GALNT17: variants seen among roughly 807,000 people sequenced by gnomAD.
GALNT17 encodes the protein polypeptide N-acetylgalactosaminyltransferase 17.
Under a neutral mutation model 63.7 loss-of-function variants are expected in GALNT17, and 29 were observed. The observed-to-expected ratio is 0.46, with a 90% CI of 0.34 to 0.62. The LOEUF is 0.62. GALNT17 is among the 20% of genes least tolerant of loss of function. GALNT17 has a pLI of 0.01. For missense variants in GALNT17, 603 were observed against 799.6 expected, an observed-to-expected ratio of 0.75 and a Z score of 2.97; for synonymous variants, 305 against 318.3, an observed-to-expected ratio of 0.96 and a Z score of 0.45.
intron 6 of GALNT17, among the ~76,000 whole-genome samples, chr7:71,652,503 A>G (rs889061556): frequency 3.9e-5 from 6 of 152,160 alleles, no homozygotes; most frequent in African/African-American, 1.4e-4. Context: ...CAGGAGTAGT[A>G]GCTTGCTCCT....
chr7:71,262,000 G>A (rs73700667), intron 1 of GALNT17, among the ~76,000 whole-genome samples: 17 of 152,276 alleles, frequency 1.1e-4, no homozygotes, highest in African/African-American at 3.4e-4. Flanking sequence ...TGGGCACCCC[G>A]ATTACCTGAG....
chr7:71,649,115 C>G (rs1790720639), intron 6 of GALNT17, among the ~76,000 whole-genome samples: 1 of 152,190 alleles, frequency 6.6e-6, no homozygotes, highest in Non-Finnish European at 1.5e-5. Context: ...CCTGCCCTGA[C>G]CTTGAGTCCT....
At chr7:71,426,812 C>T (rs1483995029) in intron 5 of GALNT17, among the ~76,000 whole-genome samples, 5 of 151,744 alleles carry the variant, frequency 3.3e-5, no homozygotes, top group Non-Finnish European at 7.4e-5. Context: ...CCCAGCTACT[C>T]GGGAGGATGA....
chr7:71,193,454 C>CTTTTT (rs1159902249), intron 1 of GALNT17, among the ~76,000 whole-genome samples: 12 of 107,320 alleles, frequency 1.1e-4, no homozygotes, highest in East Asian at 5.9e-4. Flanking sequence ...ACGCTTTTGT[C>CTTTTT]TTTTTTTTTT....
intron 5 of GALNT17, among the ~76,000 whole-genome samples, chr7:71,481,290 A>C (rs1379681409): frequency 6.6e-6 from 1 of 152,062 alleles, no homozygotes; most frequent in Non-Finnish European, 1.5e-5. Context: ...CTAGTCAAAA[A>C]AATACAAAAA....
chr7:71,650,174 A>T (rs1790734296), intron 6 of GALNT17, among the ~76,000 whole-genome samples: 1 of 152,214 alleles, frequency 6.6e-6, no homozygotes, highest in African/African-American at 2.4e-5. Context: ...AGTTGAGTTC[A>T]GTTAGGGAAT....
chr7:71,216,534 A>ATATACGTATAT (rs925909962), intron 1 of GALNT17, among the ~76,000 whole-genome samples: 14 of 152,044 alleles, frequency 9.2e-5, no homozygotes, highest in Non-Finnish European at 1.8e-4. Context: ...ACACACACAC[A>ATATACGTATAT]TATACGTATA....
Position 71,143,920 on chromosome 7 carries a change from T to C in GALNT17, c.238+10880T>C, listed in dbSNP as rs115701775. Among the ~76,000 whole-genome samples the C allele has an allele frequency of 5.9e-3, 888 of 151,456 alleles. 7 individuals are homozygous for C. Among genetic ancestry groups the C allele is most frequent in the African/African-American group, 0.02 (838 of 41,286 alleles). ...TGCAGCAGTGGGTATAGAGAGCTGG[T>C]GTTGCTGGCGTGGCTGGCCCTGCCA... is the stretch of plus-strand genomic sequence containing the variant. On this transcript the variant is annotated intron_variant, in intron 1 of 10. Transcript: ENST00000333538.
chr7:71,141,058 G>C (rs1055825483), intron 1 of GALNT17, among the ~76,000 whole-genome samples: 2 of 149,094 alleles, frequency 1.3e-5, no homozygotes, highest in Admixed American at 6.7e-5. Context: ...GTATTAAAAG[G>C]ACACTCAGGG....
intron 6 of GALNT17, among the ~76,000 whole-genome samples, chr7:71,633,124 A>G (rs2116992771): frequency 6.6e-6 from 1 of 151,258 alleles, no homozygotes; most frequent in Admixed American, 6.6e-5. Flanking sequence ...AAAAAAAAAA[A>G]AGAAGGTTGA....
intron 6 of GALNT17, among the ~76,000 whole-genome samples, chr7:71,646,747 CT>C (rs60956531): frequency 4.2e-4 from 54 of 128,060 alleles, no homozygotes; most frequent in African/African-American, 6.0e-4. Context: ...TCCAAGTTTC[CT>C]TTTTTTTTTT....
At chr7:71,139,819 C>T (rs1341787373) in intron 1 of GALNT17, among the ~76,000 whole-genome samples, 3 of 152,028 alleles carry the variant, frequency 2.0e-5, no homozygotes, top group Non-Finnish European at 4.4e-5. Context: ...ATGGTGAAAC[C>T]CCGTCTCTAC....
intron 1 of GALNT17, among the ~76,000 whole-genome samples, chr7:71,233,829 G>A (rs905975379): frequency 6.6e-6 from 1 of 152,156 alleles, no homozygotes; most frequent in Admixed American, 6.5e-5. Flanking sequence ...AGGTTTCATT[G>A]ACTCACAGTT....
chr7:71,245,980 T>G (rs1005900268), intron 1 of GALNT17, among the ~76,000 whole-genome samples: 7 of 151,398 alleles, frequency 4.6e-5, no homozygotes, highest in Non-Finnish European at 1.0e-4. Context: ...AAGTACATAC[T>G]CCGAGCCATA....
intron 1 of GALNT17, among the ~76,000 whole-genome samples, chr7:71,149,691 G>A (rs756366955): frequency 2.0e-5 from 3 of 152,202 alleles, no homozygotes; most frequent in Non-Finnish European, 4.4e-5. Context: ...TTAATTAAAA[G>A]GCTTTGCTTA....
intron 5 of GALNT17, among the ~76,000 whole-genome samples, chr7:71,538,381 A>C (rs1052449924): frequency 2.0e-5 from 3 of 152,286 alleles, no homozygotes; most frequent in African/African-American, 7.2e-5. Context: ...ACGTGGACGC[A>C]ACATCACCCC....
rs180700842 is a variant in GALNT17, at chr7:71,347,449, A to G, written c.422+11716A>G. On this transcript the variant is annotated intron_variant, in intron 2 of 10. Coordinates refer to ENST00000333538, the MANE Select transcript of GALNT17 (RefSeq NM_022479.3). ...AATATACCTATACATTTCACACAAT[A>G]ATATACCTATACATTTCAGGCACAA... Among the ~76,000 whole-genome samples, 8 of 152,314 alleles carry G rather than the reference A, an allele frequency of 5.3e-5. No individual in the cohort carries two copies. In the East Asian group the frequency reaches 1.5e-3, roughly 29 times the overall value.
chr7:71,506,409 G>T (rs551236113), intron 5 of GALNT17, among the ~76,000 whole-genome samples: 107 of 152,140 alleles, frequency 7.0e-4, no homozygotes, highest in African/African-American at 2.5e-3. Flanking sequence ...TGGGATTACA[G>T]GCACCTGCCC....
At chr7:71,256,082 G>T (rs763456524) in intron 1 of GALNT17, among the ~76,000 whole-genome samples, 35 of 152,086 alleles carry the variant, frequency 2.3e-4, no homozygotes, top group Non-Finnish European at 4.3e-4. Context: ...TAAAACCTTG[G>T]TCTCCACAAC....
Sources: gnomAD v4.1 joint callset for allele counts (sites outside exome capture counted in the v4.1 genomes callset) on GRCh38, gnomAD v4.1.1 for gene constraint, MANE v1.5 for transcripts, NCBI Gene and HGNC (gene_info 2026-07-23, HGNC 2026-07-21) for gene names.